Variants in FAM234A observed in about 807,000 individuals in gnomAD.
FAM234A encodes the protein protein FAM234A.
A neutral mutation model predicts 49.1 loss-of-function variants in FAM234A; 42 were observed. That is an observed-to-expected ratio of 0.86 (90% CI 0.67 to 1.11). The LOEUF is 1.11. FAM234A is among the 50% of genes least tolerant of loss of function. The pLI, the probability that FAM234A is intolerant of heterozygous loss-of-function variation, is 0.00. For missense variants in FAM234A, 815 were observed against 745.2 expected (o/e 1.09, Z -1.09); for synonymous variants, 369 against 316.2 (o/e 1.17, Z -1.77).
chr16:266,792 C>T (rs559675707), downstream of FAM234A, among the ~76,000 whole-genome samples: 22 of 152,156 alleles, frequency 1.4e-4, no homozygotes, highest in African/African-American at 2.9e-4. Flanking sequence ...TAGGGCTCTG[C>T]GGACGCGTCC....
rs376175413 is a variant in FAM234A, at chr16:262,171, G to C, written c.787G>C (p.Gly263Arg). 189 of 1,613,894 alleles carry C rather than the reference G, an allele frequency of 1.2e-4. No individual in the cohort carries two copies. The highest frequency in any genetic ancestry group is 1.5e-4 in the Non-Finnish European group (174 of 1,180,032). Reference protein sequence around the residue: ...RGSLGVDGESGFLLHVTRTGA... With the variant: ...RGSLGVDGESRFLLHVTRTGA... ...CAGCCTTGGTGTGGACGGGGAAAGT[G>C]GCTTCCTCCTTCACGTCACCAGGAC... Residue 263 changes from glycine (G) to arginine (R), a missense_variant, in exon 7 of 13, where the codon GGC becomes CGC. Transcript: ENST00000399932.
Position 254,435 on chromosome 16 carries a change from G to C in FAM234A, c.22G>C (p.Glu8Gln), listed in dbSNP as rs368231743. The C allele has an allele frequency of 2.8e-5, 45 of 1,614,008 alleles. No individual in the cohort carries two copies. The highest frequency in any genetic ancestry group is 3.6e-5 in the Non-Finnish European group (42 of 1,180,036). ...CGTGATGTTGGACCACAAGGACTTA[G>C]AGGCCGAAATCCACCCCTTGAAAAA... Reference protein sequence around the residue: MLDHKDLEAEIHPLKNEE... With the variant: MLDHKDLQAEIHPLKNEE... Residue 8 changes from glutamate to glutamine, a missense_variant, in exon 3 of 13, where the codon GAG becomes CAG. Transcript: ENST00000399932.
In FAM234A at chr16:265,847, A is replaced by G; in HGVS notation, c.*825A>G. 1 of 985,994 alleles carries G rather than the reference A, an allele frequency of 1.0e-6. No individual in the cohort carries two copies. Among genetic ancestry groups the G allele is most frequent in the Non-Finnish European group, 1.2e-6 (1 of 830,226 alleles). The allele number at this position is 985,994 out of a possible 1,614,324, so 61.1% of individuals were successfully genotyped here. On this transcript the variant is annotated 3_prime_UTR_variant, in exon 13 of 13. Transcript: ENST00000399932. ...AGACACTGGAGCTGCTCTGTCCCTG[A>G]AGAGGCCCCGTGCCCCAGGCATGGC...
rs542832135 is a variant in FAM234A at position 251,982 on chromosome 16, G to A, written c.-34+2328G>A. Reference sequence around the variant, plus strand: ...CATGCCACTGCACTCTAGCCTGGGCGACAGAATGAGACTCCGTCTCAAAAA... The same window carrying A: ...CATGCCACTGCACTCTAGCCTGGGCAACAGAATGAGACTCCGTCTCAAAAA... On this transcript the variant is annotated intron_variant, in intron 2 of 12. Coordinates refer to ENST00000399932, the MANE Select transcript of FAM234A (RefSeq NM_032039.4). 6.0e-5 allele frequency among the ~76,000 whole-genome samples: 8 copies of A among 133,814 alleles called. No individual in the cohort carries two copies. In the East Asian group the frequency reaches 1.7e-3, roughly 28 times the overall value. The allele number at this position is 133,814 out of a possible 152,430, so 87.8% of individuals were successfully genotyped here.
At chr16:263,217 C>G in intron 8 of FAM234A, 45 bp from the exon 9 acceptor site, 1 of 1,598,516 alleles carries the variant, frequency 6.3e-7, no homozygotes. Context: ...GTGCCTGAGG[C>G]CGCCCCGGGG....
At chr16:247,229 C>T (rs1455794545) in intron 1 of FAM234A, among the ~76,000 whole-genome samples, 2 of 151,890 alleles carry the variant, frequency 1.3e-5, no homozygotes, top group African/African-American at 4.9e-5. Context: ...TTCCTGGCTT[C>T]AAGTGACCCT....
downstream of FAM234A, among the ~76,000 whole-genome samples, chr16:266,580 C>T (rs1019273976): frequency 6.6e-6 from 1 of 152,082 alleles, no homozygotes; most frequent in Non-Finnish European, 1.5e-5. Context: ...CAGGACTGTC[C>T]CACGGCCATG....
chr16:255,890 C>T (rs1384299141), intron 3 of FAM234A, among the ~76,000 whole-genome samples: 6 of 152,176 alleles, frequency 3.9e-5, no homozygotes, highest in Non-Finnish European at 7.3e-5. Flanking sequence ...CTCAAACTCC[C>T]GACCTCAGAT....
rs771967864 is a variant in FAM234A at position 264,944 on chromosome 16, C to A, written c.1581C>A (p.Arg527=). 6 of 1,612,970 alleles carry A rather than the reference C, an allele frequency of 3.7e-6. No individual in the cohort carries two copies. The highest frequency in any genetic ancestry group is 1.1e-5 in the South Asian group (1 of 91,058). The change falls in exon 13 of 13, where the codon CGC becomes CGA. Residue 527 remains arginine (R), a synonymous_variant. Coordinates refer to ENST00000399932, the MANE Select transcript of FAM234A (RefSeq NM_032039.4). ...RDLVPSSRVV[R]LGEGGPDSDQ... is the part of the protein sequence containing the mutation. ...TTGTCCCAAGCAGCAGGGTGGTCCG[C>A]CTGGGTGAGGGTGGGCCAGACAGTG... is the stretch of plus-strand genomic sequence containing the variant.
chr16:235,506 A>G (rs1024262083), intron 1 of FAM234A, among the ~76,000 whole-genome samples: 2 of 152,284 alleles, frequency 1.3e-5, no homozygotes, highest in Admixed American at 6.5e-5. Flanking sequence ...AGAGTTGTCA[A>G]GGAGAGAGTT....
intron 1 of FAM234A, among the ~76,000 whole-genome samples, chr16:243,725 C>G (rs1406875547): frequency 6.6e-6 from 1 of 152,166 alleles, no homozygotes; most frequent in East Asian, 1.9e-4. Flanking sequence ...TTTTAATTTT[C>G]CAAAGACAGG....
chr16:263,940 A>T (rs1483675630), intron 10 of FAM234A, 76 bp from the exon 11 acceptor site: 1 of 1,511,656 alleles, frequency 6.6e-7, no homozygotes, highest in Non-Finnish European at 9.1e-7. Flanking sequence ...GGCTGAGGGC[A>T]CGTGTGCCTG....
chr16:264,796 T>A lies in FAM234A; in HGVS notation c.1448-15T>A, dbSNP rs751337274. The A allele has an allele frequency of 5.0e-6, 8 of 1,607,274 alleles. No homozygotes were observed. The highest frequency in any genetic ancestry group is 1.7e-4 in the Middle Eastern group (1 of 6,042). Reference sequence around the variant, plus strand: ...GTCCTGAGCCGCCCTGACAGCTGTGTCCCCCACCCTGCAGCCGTCCTGTTT... The same window carrying A: ...GTCCTGAGCCGCCCTGACAGCTGTGACCCCCACCCTGCAGCCGTCCTGTTT... On this transcript the variant is annotated splice_polypyrimidine_tract_variant and intron_variant, in intron 12 of 12. Coordinates refer to ENST00000399932, the MANE Select transcript of FAM234A (RefSeq NM_032039.4).
intron 1 of FAM234A, among the ~76,000 whole-genome samples, chr16:247,305 T>G (rs2050846481): frequency 6.6e-6 from 1 of 151,736 alleles, no homozygotes; most frequent in Admixed American, 6.6e-5. Flanking sequence ...GATTTTTTTT[T>G]TCTTTCTTTT....
chr16:248,640 A>T (rs924869805), intron 1 of FAM234A, among the ~76,000 whole-genome samples: 10 of 151,866 alleles, frequency 6.6e-5, no homozygotes, highest in Non-Finnish European at 5.9e-5. Context: ...GGTTTTTTTG[A>T]AACAGGGTCT....
Position 238,919 on chromosome 16 carries a change from C to CAAAAAAA in FAM234A, c.-140+4069_-140+4075dup, listed in dbSNP as rs1161101529. 1.5e-3 allele frequency among the ~76,000 whole-genome samples: 138 copies of CAAAAAAA among 91,704 alleles called. 1 individual carries two copies. Among genetic ancestry groups the CAAAAAAA allele is most frequent in the East Asian group, 5.0e-3 (16 of 3,206 alleles). The allele number at this position is 91,704 out of a possible 152,430, so 60.2% of individuals were successfully genotyped here. A position where few individuals can be genotyped will look rare whatever the true frequency, so the allele number is the denominator to read the frequency against. ...CTAACATGGTGAAACCCCATCTCTA[C>CAAAAAAA]AAAAAAAAAAAAATTAGCCGGGTGT... On this transcript the variant is annotated intron_variant, in intron 1 of 12. Coordinates refer to ENST00000399932, the MANE Select transcript of FAM234A (RefSeq NM_032039.4).
chr16:243,971 G>C (rs1422569939), intron 1 of FAM234A, among the ~76,000 whole-genome samples: 1 of 149,734 alleles, frequency 6.7e-6, no homozygotes, highest in Non-Finnish European at 1.5e-5. Context: ...AAAGGAAAAT[G>C]ATTTTTTTTT....
At chr16:238,492 C>T (rs971684857) in intron 1 of FAM234A, among the ~76,000 whole-genome samples, 2 of 152,092 alleles carry the variant, frequency 1.3e-5, no homozygotes, top group Non-Finnish European at 2.9e-5. Flanking sequence ...TCTGGCCAGG[C>T]ACGGTGGCTC....
chr16:263,862 G>A, intron 10 of FAM234A, 87 bp downstream of exon 10: 1 of 1,407,644 alleles, frequency 7.1e-7, no homozygotes, highest in Non-Finnish European at 1.0e-6. Flanking sequence ...CGGCCCAGGA[G>A]GCTGCTGCCG....
Sources: gnomAD v4.1 joint callset for allele counts (sites outside exome capture counted in the v4.1 genomes callset) on GRCh38, gnomAD v4.1.1 for gene constraint, MANE v1.5 for transcripts, NCBI Gene and HGNC (gene_info 2026-07-23, HGNC 2026-07-21) for gene names.